Variants in CSMD1 observed in about 807,000 individuals in gnomAD.
CSMD1 encodes the protein CUB and sushi domain-containing protein 1.
In CSMD1, 213 loss-of-function variants were observed where a neutral mutation model predicts 417.5. The ratio of observed to expected loss-of-function variants is 0.51; its 90% CI spans 0.46 to 0.57. The LOEUF (loss-of-function observed/expected upper bound fraction) is 0.57. Ranked by LOEUF, CSMD1 falls within the 20% of genes least tolerant of loss-of-function variation. The pLI is 0.00. For synonymous variants in CSMD1, 2,862 were observed against 1,736.8 expected, an observed-to-expected ratio of 1.65 and a Z score of -16.11; for missense variants, 6,923 against 4,529.7, an observed-to-expected ratio of 1.53 and a Z score of -15.17.
chr8:3,290,687 C>T lies in CSMD1; in HGVS notation c.3951-6341G>A, dbSNP rs1425460277. The stretch of plus-strand genomic sequence containing the variant: ...TGCACATTGATTTTGTATCCTGAGA[C>T]TTTGCTGAAGTTGCTTATCAGCTTA... On this transcript the variant is annotated intron_variant, in intron 25 of 69. Coordinates refer to ENST00000635120, the MANE Select transcript of CSMD1 (RefSeq NM_033225.6). Among the ~76,000 whole-genome samples the T allele has an allele frequency of 4.1e-5, 6 of 147,340 alleles. 2 individuals carry two copies. Among genetic ancestry groups the T allele is most frequent in the African/African-American group, 1.6e-4 (6 of 37,076 alleles).
At chr8:3,151,005 A>C (rs1819161715) in intron 40 of CSMD1, among the ~76,000 whole-genome samples, 1 of 152,204 alleles carries the variant, frequency 6.6e-6, no homozygotes, top group South Asian at 2.1e-4. Flanking sequence ...TTTATATTTA[A>C]AAGGAGTCAT....
intron 36 of CSMD1, among the ~76,000 whole-genome samples, chr8:3,182,761 G>GTC (rs1821447111): frequency 1.4e-5 from 2 of 140,510 alleles, no homozygotes; most frequent in African/African-American, 5.6e-5. Context: ...GTGTGTGTGT[G>GTC]TGTGTGTATT....
intron 3 of CSMD1, among the ~76,000 whole-genome samples, chr8:4,105,507 G>T (rs1309821630): frequency 6.6e-6 from 1 of 152,148 alleles, no homozygotes; most frequent in Non-Finnish European, 1.5e-5. Flanking sequence ...ATGGTTCTAG[G>T]CTTCATTAAG....
intron 10 of CSMD1, chr8:3,515,238 T>C (rs762248119): frequency 1.3e-5 from 2 of 152,216 alleles, no homozygotes; most frequent in African/African-American, 2.4e-5. Context: ...ATCCTATTTG[T>C]CCTTAATATA....
At chr8:3,880,622 A>G (rs922160149) in intron 5 of CSMD1, among the ~76,000 whole-genome samples, 2 of 152,198 alleles carry the variant, frequency 1.3e-5, no homozygotes, top group Non-Finnish European at 2.9e-5. Context: ...TCCATTTTAA[A>G]TCTAGGACAT....
At chr8:3,262,161 A>T (rs574055781) in intron 26 of CSMD1, among the ~76,000 whole-genome samples, 137 of 135,928 alleles carry the variant, frequency 1.0e-3, no homozygotes, top group African/African-American at 3.7e-3. Context: ...AAACCATTTT[A>T]TTTCTAAAAT....
rs73499685 is a variant in CSMD1, at chr8:3,488,235, T to C, written c.1448+5388A>G. ...CTTTCACCTTAGCCTCCTGAGTAGC[T>C]GGGACTGCAGGCATGCACCACCACA... is the stretch of plus-strand genomic sequence containing the variant. On this transcript the variant is annotated intron_variant, in intron 11 of 69. Coordinates refer to ENST00000635120, the MANE Select transcript of CSMD1 (RefSeq NM_033225.6). Among the ~76,000 whole-genome samples, 1,448 of 152,198 alleles carry C rather than the reference T, an allele frequency of 9.5e-3. 23 individuals carry two copies. The highest frequency in any genetic ancestry group is 0.033 in the African/African-American group (1,377 of 41,530).
chr8:4,745,400 T>G (rs1810887291), intron 1 of CSMD1, among the ~76,000 whole-genome samples: 1 of 152,212 alleles, frequency 6.6e-6, no homozygotes, highest in African/African-American at 2.4e-5. Context: ...AAGTATTAAA[T>G]ATAAATATGT....
intron 7 of CSMD1, among the ~76,000 whole-genome samples, chr8:3,627,799 T>C (rs1584983506): frequency 6.6e-6 from 1 of 152,204 alleles, no homozygotes; most frequent in Admixed American, 6.5e-5. Flanking sequence ...CAGCACATCT[T>C]GTTTATTTAG....
At chr8:3,164,089 T>C (rs1405763083) in intron 37 of CSMD1, among the ~76,000 whole-genome samples, 1 of 152,164 alleles carries the variant, frequency 6.6e-6, no homozygotes, top group Non-Finnish European at 1.5e-5. Flanking sequence ...TGCCGAGTGT[T>C]TCCCCAAATC....
intron 5 of CSMD1, among the ~76,000 whole-genome samples, chr8:3,850,306 G>C (rs1002055476): frequency 1.3e-5 from 2 of 152,166 alleles, no homozygotes; most frequent in African/African-American, 4.8e-5. Flanking sequence ...GGTTTCAATA[G>C]CTTTGTTTTC....
rs149960306 is a variant in CSMD1 at position 3,909,910 on chromosome 8, C to G, written c.818+87993G>C. 5.9e-5 allele frequency among the ~76,000 whole-genome samples: 9 copies of G among 152,242 alleles called. No individual in the cohort carries two copies. The East Asian group carries it at 1.7e-3, about 29-fold the overall frequency. On this transcript the variant is annotated intron_variant, in intron 5 of 69. Transcript: ENST00000635120. ...TAAAAGACTAAGCCCTGTATTAAAG[C>G]TGCTTGGACTCTAATTAGACAAGGA...
chr8:4,065,573 A>G (rs556107236), intron 3 of CSMD1, among the ~76,000 whole-genome samples: 22 of 150,932 alleles, frequency 1.5e-4, no homozygotes, highest in Admixed American at 3.3e-4. Flanking sequence ...TTTCACTGCT[A>G]AAAGATGTAT....
intron 50 of CSMD1, among the ~76,000 whole-genome samples, chr8:3,051,547 C>T (rs1214385748): frequency 1.3e-5 from 2 of 152,212 alleles, no homozygotes; most frequent in South Asian, 2.1e-4. Context: ...CCCTGTGACA[C>T]GTAGTTCACC....
intron 5 of CSMD1, among the ~76,000 whole-genome samples, chr8:3,907,769 T>C (rs565877122): frequency 6.6e-6 from 1 of 152,342 alleles, no homozygotes; most frequent in African/African-American, 2.4e-5. Context: ...AGTAACAGAC[T>C]GACTCTTAGA....
intron 10 of CSMD1, among the ~76,000 whole-genome samples, chr8:3,536,273 G>C (rs935117447): frequency 6.6e-6 from 1 of 152,182 alleles, no homozygotes; most frequent in Non-Finnish European, 1.5e-5. Context: ...TTGTGTGTAT[G>C]ACAGCAACTT....
In CSMD1 at chr8:3,226,664, G is replaced by C. The variant is rs185184662; in HGVS notation, c.4346-2797C>G. 9.2e-5 allele frequency among the ~76,000 whole-genome samples: 14 copies of C among 151,464 alleles called. No individual in the cohort carries two copies. The East Asian group carries it at 2.7e-3, about 29-fold the overall frequency. On this transcript the variant is annotated intron_variant, in intron 27 of 69. Transcript: ENST00000635120. ...AGACTAAGTCAAAAAGCTAAACAGAGGAGGCTTCATGGTAGAAGTCATTTC... is the reference window on the plus strand; with the variant it reads ...AGACTAAGTCAAAAAGCTAAACAGACGAGGCTTCATGGTAGAAGTCATTTC...
chr8:3,386,256 C>A (rs1027930058), intron 18 of CSMD1, among the ~76,000 whole-genome samples: 3 of 152,238 alleles, frequency 2.0e-5, no homozygotes, highest in African/African-American at 7.2e-5. Context: ...GGGGGGCTCA[C>A]CCCTGCGTTG....
chr8:4,695,683 CATT>C (rs2116788448), intron 1 of CSMD1, among the ~76,000 whole-genome samples: 1 of 152,208 alleles, frequency 6.6e-6, no homozygotes, highest in South Asian at 2.1e-4. Flanking sequence ...GTTGATACAT[CATT>C]ATCACTCAAA....
Sources: gnomAD v4.1 joint callset for allele counts (sites outside exome capture counted in the v4.1 genomes callset) on GRCh38, gnomAD v4.1.1 for gene constraint, MANE v1.5 for transcripts, NCBI Gene and HGNC (gene_info 2026-07-23, HGNC 2026-07-21) for gene names.